UST: variants seen among roughly 807,000 people sequenced by gnomAD.
UST encodes the protein chondroitin sulfate 2-O-sulfotransferase.
Under a neutral mutation model 45.6 loss-of-function variants are expected in UST, and 21 were observed. The ratio of observed to expected loss-of-function variants is 0.46; its 90% CI spans 0.33 to 0.66. The LOEUF is 0.66. UST is among the 30% of genes least tolerant of loss of function. The probability of loss-of-function intolerance (pLI) is 0.02; values close to 1 mark genes in which losing one functional copy is unlikely to be tolerated. For missense variants in UST, 463 were observed against 512.4 expected (o/e 0.90, Z 0.93); for synonymous variants, 215 against 200.6 (o/e 1.07, Z -0.61).
chr6:148,839,909 G>A (rs959320134), intron 1 of UST, among the ~76,000 whole-genome samples: 3 of 152,156 alleles, frequency 2.0e-5, no homozygotes, highest in Non-Finnish European at 4.4e-5. Flanking sequence ...TGGTAAGGTG[G>A]AGGTTTCAAC....
chr6:148,973,834 G>A (rs1206977802), intron 5 of UST, among the ~76,000 whole-genome samples: 1 of 152,212 alleles, frequency 6.6e-6, no homozygotes, highest in Non-Finnish European at 1.5e-5. Context: ...AAACATCTAA[G>A]AGATTTGTTG....
intron 2 of UST, among the ~76,000 whole-genome samples, chr6:148,898,315 A>G (rs1258554249): frequency 2.0e-5 from 3 of 152,230 alleles, no homozygotes; most frequent in African/African-American, 7.2e-5. Flanking sequence ...TGTATGCTAT[A>G]AAGAACTTTA....
At position 148,927,049 on chromosome 6, in the gene UST, T is replaced by C. The variant is rs138745688; in HGVS notation, c.292-14230T>C. ...TTTACCTTCTGAATTTAAAATATTCTCTGAAGACATTACTGCTGGAGCATG... is the reference window on the plus strand; with the variant it reads ...TTTACCTTCTGAATTTAAAATATTCCCTGAAGACATTACTGCTGGAGCATG... On this transcript the variant is annotated intron_variant, in intron 2 of 7. Transcript: ENST00000367463. Among the ~76,000 whole-genome samples, 261 of 152,290 alleles carry C rather than the reference T, an allele frequency of 1.7e-3. 3 individuals carry two copies. In the South Asian group the frequency reaches 0.028, roughly 16 times the overall value.
intron 2 of UST, among the ~76,000 whole-genome samples, chr6:148,912,547 T>A (rs2114880999): frequency 6.6e-6 from 1 of 152,350 alleles, no homozygotes; most frequent in South Asian, 2.1e-4. Flanking sequence ...GAAGCAACTC[T>A]TATCTACATT....
At chr6:148,999,495 T>C (rs1432786667) in intron 5 of UST, among the ~76,000 whole-genome samples, 1 of 152,244 alleles carries the variant, frequency 6.6e-6, no homozygotes, top group Non-Finnish European at 1.5e-5. Flanking sequence ...TTGGAACTTT[T>C]GGCAACATGC....
intron 5 of UST, among the ~76,000 whole-genome samples, chr6:148,985,530 A>G (rs1781223236): frequency 6.6e-6 from 1 of 152,210 alleles, no homozygotes; most frequent in South Asian, 2.1e-4. Flanking sequence ...AATATCTAAA[A>G]TGAGAATAGA....
chr6:148,877,494 G>T (rs1454510941), intron 1 of UST, among the ~76,000 whole-genome samples: 28 of 99,204 alleles, frequency 2.8e-4, no homozygotes, highest in African/African-American at 1.1e-3. Flanking sequence ...CGAGTGCTGG[G>T]GTCGTGTGTG....
chr6:149,042,418 AG>A (rs1776327139), intron 7 of UST, among the ~76,000 whole-genome samples: 1 of 152,208 alleles, frequency 6.6e-6, no homozygotes, highest in South Asian at 2.1e-4. Flanking sequence ...CAGTGTGGGC[AG>A]AGGGTTAAAT....
rs146098657 is a variant in UST at position 149,052,511 on chromosome 6, G to A, written c.938-21322G>A. Among the ~76,000 whole-genome samples the A allele has an allele frequency of 2.0e-3, 308 of 152,262 alleles. No individual in the cohort carries two copies. In the Middle Eastern group the frequency reaches 0.024, roughly 12 times the overall value. ...ATAACGCTTCTATGTTACTGAGCTG[G>A]TCGCTAGCAGCACTCAAGTGATTGA... On this transcript the variant is annotated intron_variant, in intron 7 of 7. Transcript: ENST00000367463.
rs147284727 is a variant in UST at position 148,865,925 on chromosome 6, A to G, written c.248-21061A>G. Among the ~76,000 whole-genome samples, 1,478 of 152,222 alleles carry G rather than the reference A, an allele frequency of 9.7e-3. 11 individuals are homozygous for G. Among genetic ancestry groups the G allele is most frequent in the Non-Finnish European group, 0.014 (961 of 68,024 alleles). On this transcript the variant is annotated intron_variant, in intron 1 of 7. Transcript: ENST00000367463. ...TCTGAGGCTTTTAAATTGAGAAAGC[A>G]TGCTTCGTTAGACAATTATCTCTTA...
At chr6:148,997,235 T>C (rs1184073583) in intron 5 of UST, among the ~76,000 whole-genome samples, 2 of 152,234 alleles carry the variant, frequency 1.3e-5, no homozygotes, top group African/African-American at 4.8e-5. Context: ...ACCAGCATAA[T>C]AAAGGGGCTT....
intron 1 of UST, among the ~76,000 whole-genome samples, chr6:148,767,415 A>G (rs545303374): frequency 1.3e-5 from 2 of 152,350 alleles, no homozygotes; most frequent in East Asian, 3.9e-4. Flanking sequence ...GAACATACAG[A>G]TTTTGACCTA....
intron 3 of UST, among the ~76,000 whole-genome samples, chr6:148,949,927 G>C (rs889726033): frequency 6.6e-6 from 1 of 152,056 alleles, no homozygotes; most frequent in African/African-American, 2.4e-5. Flanking sequence ...CCCCTTATCT[G>C]CAGCCAAATC....
chr6:148,867,084 A>G (rs1449429281), intron 1 of UST, among the ~76,000 whole-genome samples: 2 of 152,100 alleles, frequency 1.3e-5, no homozygotes, highest in African/African-American at 2.4e-5. Flanking sequence ...AGATCAGACA[A>G]TCTCACATCC....
chr6:148,873,448 ACT>A (rs1778595383), intron 1 of UST, among the ~76,000 whole-genome samples: 1 of 151,906 alleles, frequency 6.6e-6, no homozygotes, highest in Admixed American at 6.6e-5. Flanking sequence ...GGCGAGGGAC[ACT>A]CTGCCTGAAG....
chr6:148,800,813 C>T (rs1562262030), intron 1 of UST, among the ~76,000 whole-genome samples: 2 of 141,462 alleles, frequency 1.4e-5, no homozygotes, highest in South Asian at 4.5e-4. Context: ...TTTGGAGACA[C>T]GTGGCTCTGG....
intron 1 of UST, among the ~76,000 whole-genome samples, chr6:148,831,776 A>C (rs1211241679): frequency 6.6e-6 from 1 of 152,088 alleles, no homozygotes; most frequent in South Asian, 2.1e-4. Context: ...GCCTGCACAG[A>C]GTACAGCCCT....
intron 5 of UST, among the ~76,000 whole-genome samples, chr6:148,985,145 C>A (rs915891805): frequency 7.2e-5 from 11 of 151,934 alleles, no homozygotes; most frequent in Admixed American, 2.0e-4. Context: ...ATGGAGACAC[C>A]CAGCAGGCAG....
chr6:148,908,760 C>CT (rs1779416684), intron 2 of UST, among the ~76,000 whole-genome samples: 1 of 152,116 alleles, frequency 6.6e-6, no homozygotes, highest in South Asian at 2.1e-4. Flanking sequence ...AATGAAAGAT[C>CT]TGTTTTCCCT....
Sources: allele counts gnomAD v4.1 joint callset (sites outside exome capture counted in the v4.1 genomes callset), GRCh38; gene constraint gnomAD v4.1.1; transcripts MANE v1.5; gene names NCBI Gene and HGNC (gene_info 2026-07-23, HGNC 2026-07-21).